Variants in KPNA5 observed in about 807,000 individuals in gnomAD.
The protein encoded by KPNA5 is importin subunit alpha-6.
Under a neutral mutation model 71.3 loss-of-function variants are expected in KPNA5, and 46 were observed. That is an observed-to-expected ratio of 0.65 (90% CI 0.51 to 0.83). The LOEUF is 0.83. Ranked by LOEUF, KPNA5 falls within the 40% of genes least tolerant of loss-of-function variation. The pLI is 0.00. For missense variants in KPNA5, 547 were observed against 628.3 expected, an observed-to-expected ratio of 0.87 and a Z score of 1.38; for synonymous variants, 207 against 201.4, an observed-to-expected ratio of 1.03 and a Z score of -0.24.
intron 8 of KPNA5, among the ~76,000 whole-genome samples, chr6:116,721,733 C>A (rs1370579880): frequency 2.0e-5 from 3 of 152,098 alleles, no homozygotes; most frequent in Middle Eastern, 3.4e-3. Context: ...GATTTATTTC[C>A]AGTTAAGTAC....
At chr6:116,685,950 G>A (rs544817124) in intron 1 of KPNA5, among the ~76,000 whole-genome samples, 54 of 152,018 alleles carry the variant, frequency 3.6e-4, no homozygotes, top group African/African-American at 1.1e-3. Flanking sequence ...ACTGTTGCCC[G>A]GGCTGGAGTG....
At chr6:116,719,723 C>T (rs1192805276) in intron 8 of KPNA5, among the ~76,000 whole-genome samples, 1 of 152,096 alleles carries the variant, frequency 6.6e-6, no homozygotes, top group East Asian at 1.9e-4. Context: ...GTAGCACATG[C>T]CTGTACTCCC....
At chr6:116,698,681 C>G in intron 4 of KPNA5, 23 bp from the exon 5 acceptor site, 1 of 1,358,080 alleles carries the variant, frequency 7.4e-7, no homozygotes, top group Non-Finnish European at 1.0e-6. Flanking sequence ...TTTGTAATAA[C>G]TGAAGTCTTT....
At chr6:116,698,824 T>A in intron 5 of KPNA5, 26 bp downstream of exon 5, 1 of 1,328,608 alleles carries the variant, frequency 7.5e-7, no homozygotes, top group Non-Finnish European at 1.0e-6. Flanking sequence ...TCTTTCTTAA[T>A]TTTTCTCTAG....
chr6:116,726,706 C>T, intron 12 of KPNA5, 84 bp downstream of exon 12: 2 of 1,126,814 alleles, frequency 1.8e-6, no homozygotes, highest in Non-Finnish European at 2.5e-6. Context: ...ACTGATGGAA[C>T]TAAAATATTA....
chr6:116,720,991 A>G (rs1216569361), intron 8 of KPNA5, among the ~76,000 whole-genome samples: 2 of 152,228 alleles, frequency 1.3e-5, no homozygotes, highest in South Asian at 2.1e-4. Context: ...ATTTGTGTAC[A>G]TGAGTCCTAG....
intron 7 of KPNA5, among the ~76,000 whole-genome samples, chr6:116,706,457 A>G (rs1055471832): frequency 1.3e-5 from 2 of 151,824 alleles, no homozygotes; most frequent in Admixed American, 1.3e-4. Context: ...TGGGAGGCCA[A>G]GGCGGGTGGA....
chr6:116,686,040 G>C (rs1260964384), intron 1 of KPNA5, among the ~76,000 whole-genome samples: 1 of 152,084 alleles, frequency 6.6e-6, no homozygotes, highest in Non-Finnish European at 1.5e-5. Flanking sequence ...GAGTAGCTGA[G>C]ACTATAGTCA....
chr6:116,723,125 T>C (rs1430691197), intron 9 of KPNA5, among the ~76,000 whole-genome samples: 1 of 152,166 alleles, frequency 6.6e-6, no homozygotes, highest in Admixed American at 6.5e-5. Context: ...CCAGTCTGGC[T>C]GAGGTAAAAG....
At position 116,681,286 on chromosome 6, in the gene KPNA5, C is replaced by T; in HGVS notation, c.-49C>T. 6.2e-7 allele frequency: 1 copy of T among 1,609,110 alleles called. No individual in the cohort carries two copies. The highest frequency in any genetic ancestry group is 8.5e-7 in the Non-Finnish European group (1 of 1,177,210). On this transcript the variant is annotated 5_prime_UTR_variant, in exon 1 of 14. The change creates a new upstream start codon in the 5' untranslated region. Transcript: ENST00000368564. ...CGGCCCTTCTGTTACCCGCCACACACGTCGCCGCTGGGGACTGGGAAATCA... is the reference window on the plus strand; with the variant it reads ...CGGCCCTTCTGTTACCCGCCACACATGTCGCCGCTGGGGACTGGGAAATCA...
chr6:116,731,199 G>T lies in KPNA5; in HGVS notation c.1433-937G>T, dbSNP rs79592669. On this transcript the variant is annotated intron_variant, in intron 13 of 13. Coordinates refer to ENST00000368564, the MANE Select transcript of KPNA5 (RefSeq NM_001366306.2). The stretch of plus-strand genomic sequence containing the variant: ...ATTTGCATTAAATATTCACTTTTCT[G>T]TATTAAGTCCTCTTACATTGTATGG... Among the ~76,000 whole-genome samples the T allele has an allele frequency of 3.7e-4, 57 of 152,082 alleles. 2 individuals are homozygous for T. The East Asian group carries it at 9.1e-3, about 24-fold the overall frequency.
Position 116,726,642 on chromosome 6 carries a change from A to G in KPNA5, c.1253+20A>G, listed in dbSNP as rs199665613. ...AATAAGGTATGATATAAACTTCTTA[A>G]TTGTTTTTTACATGTAAATGAGACA... On this transcript the variant is annotated intron_variant, in intron 12 of 13. Transcript: ENST00000368564. 3.3e-6 allele frequency: 5 copies of G among 1,529,186 alleles called. No individual in the cohort carries two copies. The African/African-American group carries it at 7.1e-5, about 22-fold the overall frequency. 94.7% of individuals were successfully genotyped at this position (1,529,186 alleles called of 1,614,324 possible).
chr6:116,684,208 C>T (rs992470972), intron 1 of KPNA5, among the ~76,000 whole-genome samples: 3 of 152,048 alleles, frequency 2.0e-5, no homozygotes, highest in South Asian at 2.1e-4. Context: ...CTACCCCGCC[C>T]GGCCATATTG....
chr6:116,703,904 G>A (rs1033570122), intron 6 of KPNA5, among the ~76,000 whole-genome samples: 1 of 152,174 alleles, frequency 6.6e-6, no homozygotes, highest in African/African-American at 2.4e-5. Context: ...ATGAATATGT[G>A]TTCTGAGAAA....
intron 1 of KPNA5, chr6:116,681,579 C>T: frequency 8.1e-7 from 1 of 1,236,188 alleles, no homozygotes; most frequent in Non-Finnish European, 1.0e-6. Context: ...TCAGCAGGTC[C>T]TCTGGAGTGA....
chr6:116,721,957 C>T (rs1347101382), intron 8 of KPNA5, among the ~76,000 whole-genome samples, 169 bp from the exon 9 acceptor site: 2 of 152,120 alleles, frequency 1.3e-5, no homozygotes, highest in African/African-American at 4.8e-5. Flanking sequence ...TAATAGTAGT[C>T]ATAATCAGCT....
At position 116,737,666 on chromosome 6, in the gene KPNA5, A is replaced by G. The variant is rs1699838595; in HGVS notation, c.*5343A>G. 1 of 151,842 alleles carries G rather than the reference A, an allele frequency of 6.6e-6. No homozygotes were observed. The highest frequency in any genetic ancestry group is 1.5e-5 in the Non-Finnish European group (1 of 67,922). 9.4% of individuals were successfully genotyped at this position (151,842 alleles called of 1,614,324 possible). ...CATTATCTGATGTCTAATGTCTGGA[A>G]ACTGTTGTTTCATGTTTTTGTCCTG... On this transcript the variant is annotated 3_prime_UTR_variant, in exon 14 of 14. Transcript: ENST00000368564.
intron 1 of KPNA5, among the ~76,000 whole-genome samples, chr6:116,683,354 G>T (rs1456906155): frequency 6.6e-6 from 1 of 152,004 alleles, no homozygotes; most frequent in Non-Finnish European, 1.5e-5. Context: ...ACATATATAG[G>T]TGATAAATAC....
intron 5 of KPNA5, 108 bp downstream of exon 5, chr6:116,698,906 T>G (rs1367832553): frequency 5.5e-6 from 3 of 548,182 alleles, no homozygotes; most frequent in Non-Finnish European, 9.3e-6. Context: ...AAGTGAATAC[T>G]TGGTAATTAA....
Sources: gnomAD v4.1 joint callset for allele counts (sites outside exome capture counted in the v4.1 genomes callset) on GRCh38, gnomAD v4.1.1 for gene constraint, MANE v1.5 for transcripts, NCBI Gene and HGNC (gene_info 2026-07-23, HGNC 2026-07-21) for gene names.